Variants in LRP1B observed in about 807,000 individuals in gnomAD.
LRP1B encodes the protein LDL receptor related protein 1B.
In LRP1B, 217 loss-of-function variants were observed where a neutral mutation model predicts 556.6. The observed-to-expected ratio is 0.39, with a 90% CI of 0.35 to 0.44. The LOEUF (loss-of-function observed/expected upper bound fraction) is 0.44, where lower values mean the gene tolerates loss of function less well. Ranked by LOEUF, LRP1B falls within the 20% of genes least tolerant of loss-of-function variation. LRP1B has a pLI of 1.00. For missense variants in LRP1B, 5,053 were observed against 5,620.8 expected, an observed-to-expected ratio of 0.90 and a Z score of 3.23; for synonymous variants, 2,047 against 1,865.8, an observed-to-expected ratio of 1.10 and a Z score of -2.50.
chr2:141,268,849 G>A (rs1446602428), intron 3 of LRP1B, among the ~76,000 whole-genome samples: 1 of 152,100 alleles, frequency 6.6e-6, no homozygotes, highest in Non-Finnish European at 1.5e-5. Context: ...TACACTCATA[G>A]GGTAGAAGCT....
intron 2 of LRP1B, among the ~76,000 whole-genome samples, chr2:141,640,807 A>G (rs544033867): frequency 3.7e-5 from 1 of 27,124 alleles, no homozygotes; most frequent in African/African-American, 1.6e-4. Flanking sequence ...AAATAAAAAT[A>G]AGAAAAAAAA....
intron 1 of LRP1B, among the ~76,000 whole-genome samples, chr2:142,033,096 C>T (rs924198910): frequency 5.3e-5 from 8 of 151,754 alleles, no homozygotes; most frequent in Admixed American, 1.3e-4. Context: ...AGACTCCCCA[C>T]GATGAGATTT....
At chr2:141,346,575 T>A (rs146135991) in intron 3 of LRP1B, among the ~76,000 whole-genome samples, 1,782 of 152,266 alleles carry the variant, frequency 0.012, 23 homozygotes, top group Middle Eastern at 0.02. Flanking sequence ...TCAACATGAA[T>A]GAACTGTGTG....
chr2:141,176,630 T>C (rs1353034877), intron 7 of LRP1B, among the ~76,000 whole-genome samples: 5 of 152,054 alleles, frequency 3.3e-5, no homozygotes, highest in Non-Finnish European at 5.9e-5. Context: ...TTTATAGTAG[T>C]GTGAGAACAG....
chr2:140,913,665 A>C (rs1559191059), intron 21 of LRP1B, among the ~76,000 whole-genome samples: 5 of 152,046 alleles, frequency 3.3e-5, no homozygotes. Context: ...ATAGTAGAAG[A>C]GAATCAGTTC....
At chr2:140,471,327 C>T (rs1319037149) in intron 60 of LRP1B, among the ~76,000 whole-genome samples, 1 of 152,042 alleles carries the variant, frequency 6.6e-6, no homozygotes, top group East Asian at 1.9e-4. Flanking sequence ...AGCACTTTTG[C>T]TCTTAAAATT....
intron 1 of LRP1B, among the ~76,000 whole-genome samples, chr2:141,970,998 C>T (rs1701715244): frequency 6.6e-6 from 1 of 151,520 alleles, no homozygotes; most frequent in African/African-American, 2.4e-5. Flanking sequence ...AACTATTTCA[C>T]TTTATAACAA....
Position 141,415,735 on chromosome 2 carries a change from T to C in LRP1B, c.343+64661A>G, listed in dbSNP as rs967500041. ...ATTTAATATGTATGCATTTCAGTTC[T>C]TTTTTTTTAAATATTACTTGTAAAT... On this transcript the variant is annotated intron_variant, in intron 3 of 90. Transcript: ENST00000389484. Among the ~76,000 whole-genome samples, 8 of 64,684 alleles carry C rather than the reference T, an allele frequency of 1.2e-4. No homozygotes were observed. In the Admixed American group the frequency reaches 1.5e-3, roughly 12 times the overall value. The allele number at this position is 64,684 out of a possible 152,430, so 42.4% of individuals were successfully genotyped here.
At chr2:140,668,226 C>T (rs923611986) in intron 41 of LRP1B, among the ~76,000 whole-genome samples, 14 of 133,510 alleles carry the variant, frequency 1.0e-4, no homozygotes, top group East Asian at 2.4e-4. Context: ...AGGAGAATGG[C>T]GTGAACCCGG....
intron 66 of LRP1B, among the ~76,000 whole-genome samples, chr2:140,398,585 G>T (rs1573890816): frequency 6.6e-6 from 1 of 152,092 alleles, no homozygotes; most frequent in South Asian, 2.1e-4. Flanking sequence ...GGAGTGCAAT[G>T]GCATGACTAT....
At chr2:141,077,877 T>C (rs1432626219) in intron 7 of LRP1B, among the ~76,000 whole-genome samples, 2 of 152,160 alleles carry the variant, frequency 1.3e-5, no homozygotes, top group South Asian at 2.1e-4. Context: ...AAAATTCTTT[T>C]GGAGACCACT....
intron 1 of LRP1B, among the ~76,000 whole-genome samples, chr2:141,966,449 A>G (rs907161605): frequency 5.3e-5 from 8 of 151,944 alleles, no homozygotes; most frequent in African/African-American, 1.9e-4. Context: ...TAGTGTGCCC[A>G]GAACAGAGAG....
At chr2:140,357,864 C>G in intron 74 of LRP1B, 115 bp downstream of exon 74, 1 of 1,164,416 alleles carries the variant, frequency 8.6e-7, no homozygotes, top group Non-Finnish European at 1.2e-6. Flanking sequence ...TGAAAAAGGG[C>G]ATCAGTCAAG....
At chr2:140,649,108 AG>A (rs1157028143) in intron 41 of LRP1B, among the ~76,000 whole-genome samples, 2 of 152,136 alleles carry the variant, frequency 1.3e-5, no homozygotes, top group Non-Finnish European at 2.9e-5. Flanking sequence ...TCTTTAGTAC[AG>A]GTGTTTTCTA....
At chr2:141,615,640 C>T (rs1688269703) in intron 2 of LRP1B, among the ~76,000 whole-genome samples, 1 of 151,914 alleles carries the variant, frequency 6.6e-6, no homozygotes, top group South Asian at 2.1e-4. Context: ...ATTGTGTTTA[C>T]AATAGATAAA....
At chr2:141,449,408 A>T (rs1681324116) in intron 3 of LRP1B, among the ~76,000 whole-genome samples, 1 of 152,208 alleles carries the variant, frequency 6.6e-6, no homozygotes, top group African/African-American at 2.4e-5. Flanking sequence ...TTTGGAATTG[A>T]TGTTTGATTA....
intron 3 of LRP1B, among the ~76,000 whole-genome samples, chr2:141,330,944 G>A (rs539869100): frequency 2.6e-5 from 4 of 152,136 alleles, no homozygotes; most frequent in African/African-American, 9.6e-5. Context: ...ATTTTTAGTA[G>A]AGACGGAGTT....
At chr2:141,293,779 AATCT>A (rs1283015041) in intron 3 of LRP1B, among the ~76,000 whole-genome samples, 1 of 152,130 alleles carries the variant, frequency 6.6e-6, no homozygotes, top group Non-Finnish European at 1.5e-5. Context: ...AGTAATCATC[AATCT>A]AAGAATTTTT....
intron 41 of LRP1B, among the ~76,000 whole-genome samples, chr2:140,638,541 A>G (rs990120577): frequency 1.3e-5 from 2 of 152,182 alleles, no homozygotes; most frequent in Admixed American, 6.5e-5. Flanking sequence ...AACTAACTCT[A>G]TACTTCAAAG....
Sources: allele counts gnomAD v4.1 joint callset (sites outside exome capture counted in the v4.1 genomes callset), GRCh38; gene constraint gnomAD v4.1.1; transcripts MANE v1.5; gene names NCBI Gene and HGNC (gene_info 2026-07-23, HGNC 2026-07-21).